Variants in IL1RAPL2 observed in about 807,000 individuals in gnomAD.
The protein encoded by IL1RAPL2 is X-linked interleukin-1 receptor accessory protein-like 2.
A neutral mutation model predicts 44.1 loss-of-function variants in IL1RAPL2; 3 were observed. The ratio of observed to expected loss-of-function variants is 0.07; its 90% CI spans 0.03 to 0.18. IL1RAPL2 has a LOEUF of 0.18. IL1RAPL2 is among the 10% of genes least tolerant of loss of function. The pLI is 1.00. For synonymous variants in IL1RAPL2, 181 were observed against 178.8 expected, an observed-to-expected ratio of 1.01 and a Z score of -0.10; for missense variants, 391 against 496.4, an observed-to-expected ratio of 0.79 and a Z score of 2.02.
intron 2 of IL1RAPL2, among the ~76,000 whole-genome samples, chrX:104,780,729 A>C (rs1283536692): frequency 8.9e-6 from 1 of 112,054 alleles, no homozygotes; most frequent in Non-Finnish European, 1.9e-5. Context: ...TATTCTGACA[A>C]GGGCTTGACC....
intron 3 of IL1RAPL2, among the ~76,000 whole-genome samples, chrX:105,223,769 A>C (rs889840082): frequency 9.0e-6 from 1 of 111,535 alleles, no homozygotes; most frequent in African/African-American, 3.3e-5. Context: ...CAATTGTATT[A>C]ATATATGAGA....
At chrX:104,945,896 T>G (rs920429167) in intron 2 of IL1RAPL2, among the ~76,000 whole-genome samples, 14 of 110,892 alleles carry the variant, frequency 1.3e-4, no homozygotes, top group Admixed American at 3.9e-4. Flanking sequence ...TTTCTTTTTT[T>G]TTGTTGTTGC....
At chrX:105,558,541 A>C (rs2036911813) in intron 6 of IL1RAPL2, among the ~76,000 whole-genome samples, 1 of 111,852 alleles carries the variant, frequency 8.9e-6, no homozygotes, top group African/African-American at 3.2e-5. Context: ...ACTTGGTTAA[A>C]TAATTATTTT....
intron 2 of IL1RAPL2, among the ~76,000 whole-genome samples, chrX:105,008,278 T>C (rs751284725): frequency 9.0e-6 from 1 of 111,236 alleles, no homozygotes; most frequent in East Asian, 2.9e-4. Flanking sequence ...ATGAGGATGA[T>C]GAAGATGGAG....
Position 104,862,944 on chromosome X carries a change from C to A in IL1RAPL2, c.82+203949C>A, listed in dbSNP as rs189166653. On this transcript the variant is annotated intron_variant, in intron 2 of 10. Coordinates refer to ENST00000372582, the MANE Select transcript of IL1RAPL2 (RefSeq NM_017416.2). The stretch of plus-strand genomic sequence containing the variant: ...TATCAGAGGACACTGTGACTAGAAA[C>A]AGGAAGACCAGTTAGGAAAGTGTTG... Among the ~76,000 whole-genome samples the A allele has an allele frequency of 4.5e-3, 501 of 111,212 alleles. 3 individuals carry two copies. The highest frequency in any genetic ancestry group is 0.015 in the African/African-American group (473 of 30,660).
At chrX:104,669,158 G>A (rs1930545940) in intron 2 of IL1RAPL2, among the ~76,000 whole-genome samples, 1 of 111,496 alleles carries the variant, frequency 9.0e-6, no homozygotes, top group African/African-American at 3.3e-5. Flanking sequence ...CAAGGCTAAA[G>A]AGAATTCAAA....
chrX:104,660,755 G>T lies in IL1RAPL2; in HGVS notation c.82+1760G>T, dbSNP rs760251620. Among the ~76,000 whole-genome samples the T allele has an allele frequency of 6.6e-5, 7 of 106,761 alleles. No homozygotes were observed. In the East Asian group the frequency reaches 2.1e-3, roughly 32 times the overall value. 92.7% of individuals were successfully genotyped at this position (106,761 alleles called of 115,157 possible). A position where few individuals can be genotyped will look rare whatever the true frequency, so the allele number is the denominator to read the frequency against. Reference sequence around the variant, plus strand: ...AGTTTGAGACCAGCCTGGGTAACATGGTGAAACCCTATTTCTACAAAAATG... The same window carrying T: ...AGTTTGAGACCAGCCTGGGTAACATTGTGAAACCCTATTTCTACAAAAATG... On this transcript the variant is annotated intron_variant, in intron 2 of 10. Coordinates refer to ENST00000372582, the MANE Select transcript of IL1RAPL2 (RefSeq NM_017416.2).
chrX:104,961,503 A>T (rs1209938518), intron 2 of IL1RAPL2, among the ~76,000 whole-genome samples: 1 of 111,205 alleles, frequency 9.0e-6, no homozygotes, highest in African/African-American at 3.3e-5. Flanking sequence ...GACTCTCCTT[A>T]CTATGGGTAA....
At chrX:105,477,148 T>G (rs2036203076) in intron 5 of IL1RAPL2, among the ~76,000 whole-genome samples, 2 of 111,843 alleles carry the variant, frequency 1.8e-5, no homozygotes, top group Admixed American at 1.9e-4. Context: ...TTCTCTAAAA[T>G]AGAGATCACA....
At chrX:104,901,720 C>G (rs1923824405) in intron 2 of IL1RAPL2, among the ~76,000 whole-genome samples, 1 of 111,423 alleles carries the variant, frequency 9.0e-6, no homozygotes, top group Non-Finnish European at 1.9e-5. Context: ...CAAATTCCTG[C>G]CCTGCCGTTT....
At chrX:104,643,843 C>T (rs1356229444) in intron 1 of IL1RAPL2, among the ~76,000 whole-genome samples, 1 of 111,436 alleles carries the variant, frequency 9.0e-6, no homozygotes. Flanking sequence ...ATTGATTTGC[C>T]TCCAATTGAT....
chrX:105,203,783 C>T (rs1309707323), intron 3 of IL1RAPL2, among the ~76,000 whole-genome samples: 1 of 111,768 alleles, frequency 8.9e-6, no homozygotes, highest in African/African-American at 3.3e-5. Context: ...GAATAGTACT[C>T]TCTTGGCTTT....
At chrX:104,705,874 G>A (rs889430393) in intron 2 of IL1RAPL2, among the ~76,000 whole-genome samples, 3 of 111,304 alleles carry the variant, frequency 2.7e-5, no homozygotes, top group African/African-American at 6.5e-5. Flanking sequence ...CTTTAAAGGC[G>A]GGGACCAAGT....
intron 6 of IL1RAPL2, among the ~76,000 whole-genome samples, chrX:105,549,642 A>G (rs1002393158): frequency 2.7e-5 from 3 of 111,035 alleles, no homozygotes; most frequent in African/African-American, 9.9e-5. Context: ...ATACTCTAGA[A>G]CTCCATATGT....
At chrX:105,043,240 A>C (rs775344083) in intron 2 of IL1RAPL2, among the ~76,000 whole-genome samples, 9 of 110,626 alleles carry the variant, frequency 8.1e-5, no homozygotes, top group Admixed American at 4.8e-4. Context: ...ATAATATAAA[A>C]AAAGAAAAAG....
chrX:105,017,647 C>A (rs747146310), intron 2 of IL1RAPL2, among the ~76,000 whole-genome samples: 1 of 110,420 alleles, frequency 9.1e-6, no homozygotes, highest in Admixed American at 9.7e-5. Context: ...GAGAAGAATG[C>A]AAAGAGGTTG....
intron 5 of IL1RAPL2, among the ~76,000 whole-genome samples, chrX:105,425,933 C>G (rs1293387497): frequency 9.1e-6 from 1 of 110,230 alleles, no homozygotes; most frequent in Non-Finnish European, 1.9e-5. Context: ...AAGGTGCCCC[C>G]TCTTCCTGTT....
At chrX:104,623,284 G>A (rs954142853) in intron 1 of IL1RAPL2, among the ~76,000 whole-genome samples, 1 of 110,045 alleles carries the variant, frequency 9.1e-6, no homozygotes, top group South Asian at 3.8e-4. Flanking sequence ...TTGGCTGCTT[G>A]GTAGAAGTCA....
At chrX:105,433,866 GA>G (rs761005121) in intron 5 of IL1RAPL2, among the ~76,000 whole-genome samples, 16 of 110,538 alleles carry the variant, frequency 1.4e-4, no homozygotes, top group African/African-American at 4.3e-4. Context: ...ATCCATAAAA[GA>G]AAAAAAATGA....
Sources: allele counts gnomAD v4.1 joint callset (sites outside exome capture counted in the v4.1 genomes callset), GRCh38; gene constraint gnomAD v4.1.1; transcripts MANE v1.5; gene names NCBI Gene and HGNC (gene_info 2026-07-23, HGNC 2026-07-21).